Variants in SOX5 observed in about 807,000 individuals in gnomAD.
The protein encoded by SOX5 is transcription factor SOX-5.
SOX5 carries 9 observed loss-of-function variants against 92.0 expected under a neutral mutation model. That is an observed-to-expected ratio of 0.10 (90% CI 0.06 to 0.17). The LOEUF is 0.17. Ranked by LOEUF, SOX5 falls within the 10% of genes least tolerant of loss-of-function variation. SOX5 has a pLI of 1.00. For missense variants in SOX5, 642 were observed against 944.5 expected (o/e 0.68, Z 4.20); for synonymous variants, 344 against 336.3 (o/e 1.02, Z -0.25).
intron 5 of SOX5, among the ~76,000 whole-genome samples, chr12:23,735,797 T>C (rs982152): frequency 0.99 from 150,598 of 152,338 alleles, 74,462 homozygotes; most frequent in Middle Eastern, 1. Context: ...CTGTTATTTG[T>C]GTTTACTTCT....
intron 4 of SOX5, among the ~76,000 whole-genome samples, chr12:24,033,964 T>A (rs936629761): frequency 2.0e-5 from 3 of 152,054 alleles, no homozygotes; most frequent in African/African-American, 7.2e-5. Flanking sequence ...TAGGTCATAA[T>A]AAGACCAGTC....
chr12:23,949,030 G>A (rs899124807), intron 1 of SOX5, among the ~76,000 whole-genome samples: 5 of 151,896 alleles, frequency 3.3e-5, no homozygotes, highest in African/African-American at 1.2e-4. Context: ...ATTTTCTTTG[G>A]GGGGAAAAAA....
rs181682314 is a variant in SOX5 at position 24,242,078 on chromosome 12, C to T, written c.-76-28661G>A. ...TTCTTTGGGCTATTCAGCTGGCCAT[C>T]GAAAGTTATTTTTTGTCTGTTTTGT... On this transcript the variant is annotated intron_variant, in intron 3 of 4. Coordinates refer to the SOX5 transcript ENST00000446891. Among the ~76,000 whole-genome samples the T allele has an allele frequency of 5.9e-4, 90 of 152,208 alleles. No homozygotes were observed. The Middle Eastern group carries it at 0.01, about 17-fold the overall frequency.
At chr12:24,468,755 C>T (rs1447698927) in intron 1 of SOX5, among the ~76,000 whole-genome samples, 1 of 152,062 alleles carries the variant, frequency 6.6e-6, no homozygotes, top group African/African-American at 2.4e-5. Flanking sequence ...TATTTCTTTT[C>T]CCATGTTTCC....
intron 3 of SOX5, among the ~76,000 whole-genome samples, chr12:23,828,207 G>C (rs565721534): frequency 6.6e-6 from 1 of 152,284 alleles, no homozygotes; most frequent in Admixed American, 6.5e-5. Flanking sequence ...GGGGCGATAG[G>C]CTACACCATC....
chr12:24,362,913 C>T (rs1186896417), intron 2 of SOX5, among the ~76,000 whole-genome samples: 1 of 145,366 alleles, frequency 6.9e-6, no homozygotes, highest in Non-Finnish European at 1.5e-5. Flanking sequence ...CAGCATTATA[C>T]ATATAATAAA....
At chr12:23,980,564 A>AT (rs1429008150) in intron 4 of SOX5, among the ~76,000 whole-genome samples, 3 of 152,136 alleles carry the variant, frequency 2.0e-5, no homozygotes, top group Non-Finnish European at 4.4e-5. Context: ...AAAATGTTCT[A>AT]TTTTTTGGTT....
At chr12:24,344,226 T>C (rs985557190) in intron 2 of SOX5, among the ~76,000 whole-genome samples, 4 of 138,468 alleles carry the variant, frequency 2.9e-5, no homozygotes, top group African/African-American at 5.5e-5. Context: ...GAGGTTGCAG[T>C]GAGCCGAGAT....
intron 4 of SOX5, among the ~76,000 whole-genome samples, chr12:24,004,842 C>CA (rs889484880): frequency 3.4e-4 from 51 of 150,798 alleles, no homozygotes; most frequent in African/African-American, 1.2e-3. Context: ...CACAATAGAC[C>CA]AAAAAAAATT....
At chr12:24,421,586 T>C (rs920944619) in intron 1 of SOX5, among the ~76,000 whole-genome samples, 14 of 152,200 alleles carry the variant, frequency 9.2e-5, no homozygotes, top group African/African-American at 3.1e-4. Flanking sequence ...ATATCTCTCT[T>C]GGGGATCCAG....
chr12:24,172,939 C>A (rs957492350), intron 4 of SOX5, among the ~76,000 whole-genome samples: 4 of 152,112 alleles, frequency 2.6e-5, no homozygotes, highest in Non-Finnish European at 5.9e-5. Context: ...ACCCTAGGAA[C>A]CTTTTCATAA....
rs544578339 is a variant in SOX5 at position 23,543,780 on chromosome 12, A to G, written c.1598-396T>C. On this transcript the variant is annotated intron_variant, in intron 12 of 14. Transcript: ENST00000451604. ...AGCACAAATCAATTTGGCAGAATGG[A>G]TGATTATAGGGGAGGATATATCTTT... Among the ~76,000 whole-genome samples the G allele has an allele frequency of 7.9e-5, 12 of 152,308 alleles. No homozygotes were observed. The South Asian group carries it at 1.2e-3, about 16-fold the overall frequency.
At chr12:24,030,119 T>C (rs1955321653) in intron 4 of SOX5, among the ~76,000 whole-genome samples, 1 of 151,938 alleles carries the variant, frequency 6.6e-6, no homozygotes, top group Non-Finnish European at 1.5e-5. Context: ...ACTGAGCCCA[T>C]CTGGCTCTAG....
chr12:24,273,294 G>C (rs986792817), intron 3 of SOX5, among the ~76,000 whole-genome samples: 2 of 152,184 alleles, frequency 1.3e-5, no homozygotes, highest in African/African-American at 4.8e-5. Flanking sequence ...CCTTGAATTT[G>C]CCTGCAAAGT....
chr12:24,306,021 G>C (rs554325848), intron 2 of SOX5, among the ~76,000 whole-genome samples: 1 of 152,304 alleles, frequency 6.6e-6, no homozygotes, highest in Non-Finnish European at 1.5e-5. Context: ...CCCAAGGAAC[G>C]TGAGGATCAG....
intron 6 of SOX5, among the ~76,000 whole-genome samples, chr12:23,694,808 CT>C (rs2089513716): frequency 6.6e-6 from 1 of 152,030 alleles, no homozygotes; most frequent in Admixed American, 6.6e-5. Flanking sequence ...GCTTATTTCA[CT>C]TTGTATAATG....
intron 3 of SOX5, among the ~76,000 whole-genome samples, chr12:23,767,997 G>T (rs1019116570): frequency 1.5e-4 from 23 of 152,128 alleles, no homozygotes; most frequent in Non-Finnish European, 2.6e-4. Flanking sequence ...TAGCAGGTGG[G>T]GGTAGGGAGG....
chr12:23,572,227 T>C (rs1300893263), intron 10 of SOX5, among the ~76,000 whole-genome samples: 1 of 152,218 alleles, frequency 6.6e-6, no homozygotes, highest in Non-Finnish European at 1.5e-5. Context: ...TAAGTCATCT[T>C]TCAGTCCACA....
chr12:24,265,370 C>A (rs757798507), intron 3 of SOX5, among the ~76,000 whole-genome samples: 13 of 152,016 alleles, frequency 8.6e-5, no homozygotes, highest in African/African-American at 3.1e-4. Flanking sequence ...GGCAACACTC[C>A]GTCTCTACAA....
Sources: allele counts gnomAD v4.1 joint callset (sites outside exome capture counted in the v4.1 genomes callset), GRCh38; gene constraint gnomAD v4.1.1; transcripts MANE v1.5; gene names NCBI Gene and HGNC (gene_info 2026-07-23, HGNC 2026-07-21).